Variants in PRR16 observed in about 807,000 individuals in gnomAD.
The protein encoded by PRR16 is protein Largen.
Under a neutral mutation model 18.2 loss-of-function variants are expected in PRR16, and 6 were observed. That is an observed-to-expected ratio of 0.33 (90% CI 0.18 to 0.65). PRR16 has a LOEUF of 0.65. Ranked by LOEUF, PRR16 falls within the 30% of genes least tolerant of loss-of-function variation. PRR16 has a pLI of 0.74. For missense variants in PRR16, 412 were observed against 376.6 expected (o/e 1.09, Z -0.78); for synonymous variants, 151 against 147.8 (o/e 1.02, Z -0.16).
intron 1 of PRR16, among the ~76,000 whole-genome samples, chr5:120,530,813 G>C (rs572819730): frequency 6.6e-6 from 1 of 152,168 alleles, no homozygotes; most frequent in South Asian, 2.1e-4. Context: ...CATCACCCAG[G>C]GTGGAAGTTT....
chr5:120,764,934 G>A, the PRR16 span, among the ~76,000 whole-genome samples: 2 of 151,926 alleles, frequency 1.3e-5, no homozygotes, highest in Admixed American at 1.3e-4. Flanking sequence ...CATTTCCTAG[G>A]ATGCCTGTGT....
chr5:120,465,473 A>G (rs1466333637), intron 1 of PRR16, among the ~76,000 whole-genome samples: 1 of 151,734 alleles, frequency 6.6e-6, no homozygotes, highest in Non-Finnish European at 1.5e-5. Flanking sequence ...TTCCTATCCC[A>G]CTTCGGTTCA....
At chr5:120,640,122 T>C (rs1310668288) in intron 1 of PRR16, among the ~76,000 whole-genome samples, 1 of 152,006 alleles carries the variant, frequency 6.6e-6, no homozygotes. Flanking sequence ...AAATGATAGA[T>C]ACTAGGAACT....
chr5:120,621,927 T>C (rs905803381), intron 1 of PRR16, among the ~76,000 whole-genome samples: 1 of 152,198 alleles, frequency 6.6e-6, no homozygotes, highest in African/African-American at 2.4e-5. Context: ...CCTTTTCCAC[T>C]TAGCATGCAC....
chr5:120,500,939 C>T (rs924068925), intron 1 of PRR16, among the ~76,000 whole-genome samples: 3 of 151,730 alleles, frequency 2.0e-5, no homozygotes, highest in Non-Finnish European at 4.4e-5. Flanking sequence ...ATAACACTCC[C>T]TTTTTTGTTT....
chr5:120,719,522 G>A, the PRR16 span, among the ~76,000 whole-genome samples: 1 of 152,022 alleles, frequency 6.6e-6, no homozygotes, highest in Admixed American at 6.6e-5. Flanking sequence ...AGAGAGATAT[G>A]AGATTCTGGA....
At chr5:120,753,256 A>ACAAT in the PRR16 span, among the ~76,000 whole-genome samples, 1 of 152,032 alleles carries the variant, frequency 6.6e-6, no homozygotes, top group Non-Finnish European at 1.5e-5. Flanking sequence ...TTTGAATCTG[A>ACAAT]CAATCAGTCA....
At chr5:120,772,501 GTAT>G in the PRR16 span, among the ~76,000 whole-genome samples, 1 of 152,016 alleles carries the variant, frequency 6.6e-6, no homozygotes, top group Non-Finnish European at 1.5e-5. Flanking sequence ...TAAAGCTTAT[GTAT>G]TATTAATAAA....
chr5:120,581,700 G>A, intron 1 of PRR16, among the ~76,000 whole-genome samples: 1 of 152,112 alleles, frequency 6.6e-6, no homozygotes, highest in East Asian at 1.9e-4. Context: ...CTGAGTCCCA[G>A]AGATTCTGGT....
intron 1 of PRR16, among the ~76,000 whole-genome samples, chr5:120,527,053 A>C (rs1395296320): frequency 1.3e-5 from 2 of 151,820 alleles, no homozygotes; most frequent in Non-Finnish European, 2.9e-5. Context: ...TTACCATTCT[A>C]CTCTTTGATT....
chr5:120,499,315 T>C (rs11949016), intron 1 of PRR16, among the ~76,000 whole-genome samples: 41,112 of 151,736 alleles, frequency 0.27, 6,817 homozygotes, highest in African/African-American at 0.47. Flanking sequence ...TTCTCCACAT[T>C]GGTCAGGCTG....
intron 1 of PRR16, among the ~76,000 whole-genome samples, chr5:120,635,979 C>A (rs529743696): frequency 2.6e-5 from 4 of 152,048 alleles, no homozygotes; most frequent in African/African-American, 9.6e-5. Flanking sequence ...CCAACAGTGA[C>A]CAGGCTGAGA....
intron 1 of PRR16, among the ~76,000 whole-genome samples, chr5:120,500,650 C>A (rs558493272): frequency 5.3e-5 from 8 of 152,212 alleles, no homozygotes; most frequent in Admixed American, 2.0e-4. Flanking sequence ...TGATTTCTTG[C>A]CTATTCCAAA....
chr5:120,476,498 C>A (rs553314285), intron 1 of PRR16, among the ~76,000 whole-genome samples: 2 of 152,182 alleles, frequency 1.3e-5, no homozygotes, highest in South Asian at 2.1e-4. Context: ...AACTATGTAA[C>A]CTTCAAGAAA....
chr5:120,487,934 A>G (rs987839166), intron 1 of PRR16, among the ~76,000 whole-genome samples: 9 of 152,148 alleles, frequency 5.9e-5, no homozygotes, highest in Admixed American at 4.6e-4. Context: ...GTTTCTGTTT[A>G]TATGCTGGAT....
the PRR16 span, among the ~76,000 whole-genome samples, chr5:120,735,609 A>C: frequency 1.3e-5 from 2 of 152,058 alleles, no homozygotes; most frequent in Non-Finnish European, 2.9e-5. Context: ...GGCCATTTGC[A>C]TATCTTTGGA....
At chr5:120,598,417 A>C (rs1407303100) in intron 1 of PRR16, among the ~76,000 whole-genome samples, 5 of 151,782 alleles carry the variant, frequency 3.3e-5, no homozygotes, top group Middle Eastern at 3.2e-3. Flanking sequence ...GTGAATGTGT[A>C]CTTTTTTTTT....
the PRR16 span, among the ~76,000 whole-genome samples, chr5:120,726,654 G>T: frequency 7.9e-5 from 12 of 151,922 alleles, no homozygotes; most frequent in Non-Finnish European, 1.8e-4. Context: ...ATAATGCCTT[G>T]AACAAAATAG....
At chr5:120,765,108 A>G in the PRR16 span, among the ~76,000 whole-genome samples, 1 of 152,094 alleles carries the variant, frequency 6.6e-6, no homozygotes, top group African/African-American at 2.4e-5. Flanking sequence ...TGTTCTACTT[A>G]TAACACCATA....
Sources: allele counts gnomAD v4.1 joint callset (sites outside exome capture counted in the v4.1 genomes callset), GRCh38; gene constraint gnomAD v4.1.1; transcripts MANE v1.5; gene names NCBI Gene and HGNC (gene_info 2026-07-23, HGNC 2026-07-21).